Variants in VPS33A observed in about 807,000 individuals in gnomAD.
The protein encoded by VPS33A is vacuolar protein sorting-associated protein 33A.
Under a neutral mutation model 71.8 loss-of-function variants are expected in VPS33A, and 32 were observed. The observed-to-expected ratio is 0.45, with a 90% confidence interval of 0.34 to 0.60. The LOEUF is 0.60. Ranked by LOEUF, VPS33A falls within the 20% of genes least tolerant of loss-of-function variation. The pLI is 0.02. For missense variants in VPS33A, 625 were observed against 748.5 expected, an observed-to-expected ratio of 0.84 and a Z score of 1.92; for synonymous variants, 311 against 292.7, an observed-to-expected ratio of 1.06 and a Z score of -0.64.
chr12:122,255,707 CAAAAAAAA>C (rs71082953), intron 4 of VPS33A, among the ~76,000 whole-genome samples: 1 of 35,470 alleles, frequency 2.8e-5, no homozygotes, highest in Non-Finnish European at 4.9e-5. Flanking sequence ...GACTCCGTCT[CAAAAAAAA>C]AAAAAAAAAA....
Position 122,232,389 on chromosome 12 carries a change from G to A in VPS33A, c.1648C>T (p.Leu550Phe). ...GENRVTLIFF[L>F]GGVTFAEIAA... ...ATTTCAGCGAAGGTTACGCCCCCAA[G>A]GAAAAATATCAGAGTCACTCGGTTT... Residue 550 changes from leucine to phenylalanine, a missense_variant, in exon 13 of 13, where the codon CTT (leucine) becomes TTT (phenylalanine). Leu to Phe is a conservative substitution (Grantham distance 22, BLOSUM62 0). Coordinates refer to ENST00000267199, the MANE Select transcript of VPS33A (RefSeq NM_022916.6). The A allele has an allele frequency of 4.3e-6, 7 of 1,613,398 alleles. No individual in the cohort carries two copies. Among genetic ancestry groups the A allele is most frequent in the Non-Finnish European group, 5.9e-6 (7 of 1,179,836 alleles).
intron 4 of VPS33A, among the ~76,000 whole-genome samples, chr12:122,256,443 G>A (rs934067613): frequency 4.6e-5 from 7 of 151,950 alleles, no homozygotes; most frequent in African/African-American, 9.7e-5. Context: ...GCGTGGTGGC[G>A]CGTTCCTGTA....
chr12:122,243,928 T>C (rs984259872), intron 7 of VPS33A, among the ~76,000 whole-genome samples: 10 of 152,170 alleles, frequency 6.6e-5, no homozygotes, highest in African/African-American at 2.4e-4. Context: ...AAAAAAAATC[T>C]AGAACTACAT....
chr12:122,232,951 C>T lies in VPS33A; in HGVS notation c.1458G>A (p.Ser486=), dbSNP rs372208461. The change falls in exon 12 of 13, where the codon TCG becomes TCA. Residue 486 remains serine (S), a synonymous_variant. Coordinates refer to ENST00000267199, the MANE Select transcript of VPS33A (RefSeq NM_022916.6). ...DVNEQNPTDI[S]YVYSGYAPLS... is the part of the protein sequence containing the mutation. ...GCGGGGCATACCCACTGTACACATA[C>T]GATATGTCCGTGGGGTTCTGTGAGA... 4.4e-5 allele frequency: 71 copies of T among 1,609,188 alleles called. No individual in the cohort carries two copies. Among genetic ancestry groups the T allele is most frequent in the Admixed American group, 2.7e-4 (16 of 59,440 alleles).
chr12:122,260,300 TTTG>T (rs780670438), intron 4 of VPS33A, among the ~76,000 whole-genome samples: 4 of 151,872 alleles, frequency 2.6e-5, no homozygotes, highest in Admixed American at 2.0e-4. Flanking sequence ...TTTTTTGTTT[TTTG>T]TTTTTTGTTT....
intron 11 of VPS33A, among the ~76,000 whole-genome samples, chr12:122,234,940 G>A (rs1445544005): frequency 1.3e-5 from 2 of 152,072 alleles, no homozygotes; most frequent in East Asian, 1.9e-4. Flanking sequence ...CCTTCAGGCC[G>A]TGGCTGGCAA....
chr12:122,254,611 A>G (rs1420056329), intron 4 of VPS33A, among the ~76,000 whole-genome samples: 1 of 151,920 alleles, frequency 6.6e-6, no homozygotes, highest in African/African-American at 2.4e-5. Flanking sequence ...GAGTTTTGCT[A>G]TGTTGCCCAG....
At chr12:122,250,872 T>C (rs1400276701) in intron 5 of VPS33A, 111 bp downstream of exon 5, 1 of 781,600 alleles carries the variant, frequency 1.3e-6, no homozygotes, top group Non-Finnish European at 2.2e-6. Context: ...GAGTACAGTA[T>C]TCATAAATAA....
intron 8 of VPS33A, among the ~76,000 whole-genome samples, chr12:122,241,977 G>A (rs1020805529): frequency 5.3e-5 from 8 of 151,680 alleles, no homozygotes; most frequent in East Asian, 1.9e-4. Flanking sequence ...GCGTGATGTC[G>A]GCTCACTGCA....
chr12:122,245,821 T>C (rs1429683912), intron 6 of VPS33A, among the ~76,000 whole-genome samples: 2 of 152,226 alleles, frequency 1.3e-5, no homozygotes, highest in African/African-American at 4.8e-5. Context: ...ATGGCTACTT[T>C]CACATGACAA....
At chr12:122,262,045 G>T (rs973352172) in intron 3 of VPS33A, among the ~76,000 whole-genome samples, 1 of 151,848 alleles carries the variant, frequency 6.6e-6, no homozygotes, top group Admixed American at 6.6e-5. Flanking sequence ...ACAAAAATCA[G>T]CTGGGCATGG....
intron 3 of VPS33A, among the ~76,000 whole-genome samples, chr12:122,262,714 C>A (rs556405952): frequency 6.7e-6 from 1 of 149,884 alleles, no homozygotes; most frequent in Non-Finnish European, 1.5e-5. Flanking sequence ...CAGGTTTAAG[C>A]TTTTGGCTAT....
Position 122,250,026 on chromosome 12 carries a change from A to C in VPS33A, c.620T>G (p.Ile207Ser). ...TCCTGTAAACTCTCTCTTCATCCTG[A>C]TCATCATATTGGCCACTTGCTGGAA... ...ECARQVANMMIRMKREFTGSQ... is the reference protein window; with the variant it reads ...ECARQVANMMSRMKREFTGSQ... The change falls in exon 6 of 13, where the codon ATC becomes AGC. Residue 207 changes from isoleucine to serine, a missense_variant. Coordinates refer to ENST00000267199, the MANE Select transcript of VPS33A (RefSeq NM_022916.6). 1.2e-6 allele frequency: 2 copies of C among 1,610,976 alleles called. No individual in the cohort carries two copies. Among genetic ancestry groups the C allele is most frequent in the Non-Finnish European group, 1.7e-6 (2 of 1,178,688 alleles).
chr12:122,255,343 T>G (rs558146220), intron 4 of VPS33A, among the ~76,000 whole-genome samples: 1 of 152,232 alleles, frequency 6.6e-6, no homozygotes, highest in Non-Finnish European at 1.5e-5. Flanking sequence ...CTATAAAATG[T>G]TAGAAGGAAA....
intron 6 of VPS33A, 113 bp from the exon 7 acceptor site, chr12:122,244,875 C>A: frequency 1.0e-6 from 1 of 983,486 alleles, no homozygotes. Flanking sequence ...AGACGGCAAA[C>A]GACACATAGC....
At chr12:122,266,180 C>T in intron 1 of VPS33A, 127 bp downstream of exon 1, 1 of 1,382,944 alleles carries the variant, frequency 7.2e-7, no homozygotes, top group Non-Finnish European at 9.6e-7. Context: ...GGTAAAAGGG[C>T]CCTGAGGCTC....
Position 122,266,284 on chromosome 12 carries a change from T to C in VPS33A, c.102+23A>G, listed in dbSNP as rs111614594. 2,320 of 1,602,614 alleles carry C rather than the reference T, an allele frequency of 1.4e-3. 37 individuals are homozygous for C. The East Asian group carries it at 0.035, about 24-fold the overall frequency. On this transcript the variant is annotated intron_variant, in intron 1 of 12. Coordinates refer to ENST00000267199, the MANE Select transcript of VPS33A (RefSeq NM_022916.6). ...GCCGGACCAGGGGAGGCGAGGGCGG[T>C]GTCGCTGCCTCCCGCCCCTCACCTT...
intron 4 of VPS33A, among the ~76,000 whole-genome samples, chr12:122,257,174 T>C (rs929140409): frequency 2.0e-5 from 3 of 151,892 alleles, no homozygotes; most frequent in Non-Finnish European, 4.4e-5. Context: ...CGCCTGTAAT[T>C]CCAGCACTTT....
chr12:122,235,753 T>C (rs753300194), intron 11 of VPS33A, 33 bp downstream of exon 11: 6 of 1,592,240 alleles, frequency 3.8e-6, no homozygotes, highest in Admixed American at 1.7e-5. Flanking sequence ...AACCAGTCCC[T>C]AAGCTGAGAC....
Sources: allele counts gnomAD v4.1 joint callset (sites outside exome capture counted in the v4.1 genomes callset), GRCh38; gene constraint gnomAD v4.1.1; transcripts MANE v1.5; gene names NCBI Gene and HGNC (gene_info 2026-07-23, HGNC 2026-07-21).